The following METTL15 variants were observed in gnomAD, a reference collection of about 807,000 sequenced individuals.
METTL15 encodes methyltransferase 15, mitochondrial 12S rRNA N4-cytidine.
Under a neutral mutation model 38.3 loss-of-function variants are expected in METTL15, and 34 were observed. The observed-to-expected ratio is 0.89, with a 90% CI of 0.68 to 1.18. The LOEUF is 1.18. Ranked by LOEUF, METTL15 falls within the 50% of genes most tolerant of loss-of-function variation. The pLI is 0.00. For synonymous variants in METTL15, 162 were observed against 170.9 expected (o/e 0.95, Z 0.41); for missense variants, 438 against 498.4 (o/e 0.88, Z 1.15).
rs188615983 is a variant in METTL15 at position 28,267,218 on chromosome 11, C to T, written c.408-22988C>T. 2.2e-3 allele frequency among the ~76,000 whole-genome samples: 340 copies of T among 151,564 alleles called. 3 individuals are homozygous for T. The highest frequency in any genetic ancestry group is 3.4e-3 in the Middle Eastern group (1 of 294). On this transcript the variant is annotated intron_variant, in intron 4 of 6. Transcript: ENST00000407364. ...ATGTACAGTGGCTTCTAGGGCCCTC[C>T]AGTGTCTAGTCTCTTCCTACTTCTT...
At chr11:28,523,121 G>A (rs544030654) in intron 6 of METTL15, among the ~76,000 whole-genome samples, 6 of 152,138 alleles carry the variant, frequency 3.9e-5, no homozygotes, top group Non-Finnish European at 8.8e-5. Context: ...CTAATAAGTG[G>A]CATTAAAAAA....
rs775684650 is a variant in METTL15 at position 28,113,441 on chromosome 11, C to T, written c.107C>T (p.Thr36Ile). 8.1e-6 allele frequency: 13 copies of T among 1,610,226 alleles called. No individual in the cohort carries two copies. The highest frequency in any genetic ancestry group is 3.3e-5 in the Admixed American group (2 of 59,920). The change falls in exon 3 of 7, where the codon ACA becomes ATA. Residue 36 changes from threonine (T) to isoleucine (I), a missense_variant. Physicochemically the swap from Thr to Ile is moderately conservative, Grantham distance 89. Coordinates refer to ENST00000407364, the MANE Select transcript of METTL15 (RefSeq NM_001113528.2). The part of the protein sequence containing the change: ...LGVWPNRIHT[T>I]AEKYREYEAR... ...GTCTGGCCAAACAGAATACATACTACAGCAGAAAAATATAGAGAATATGAA... is the reference window on the plus strand; with the variant it reads ...GTCTGGCCAAACAGAATACATACTATAGCAGAAAAATATAGAGAATATGAA...
chr11:28,413,431 C>T (rs570387995), intron 5 of METTL15, among the ~76,000 whole-genome samples: 37 of 152,042 alleles, frequency 2.4e-4, no homozygotes, highest in South Asian at 6.2e-4. Flanking sequence ...TCGTTTCCTG[C>T]GAGATATAAT....
intron 5 of METTL15, among the ~76,000 whole-genome samples, chr11:28,403,164 A>G (rs1191494728): frequency 1.3e-5 from 2 of 151,944 alleles, no homozygotes; most frequent in South Asian, 2.1e-4. Context: ...ATACCAAGCA[A>G]TTCTCCAGTG....
At chr11:28,207,375 T>C (rs1852395844) in intron 3 of METTL15, among the ~76,000 whole-genome samples, 1 of 152,128 alleles carries the variant, frequency 6.6e-6, no homozygotes, top group Admixed American at 6.6e-5. Flanking sequence ...ATCATGTGGT[T>C]TTTGTCTTTG....
chr11:28,498,240 G>A (rs1425437201), intron 6 of METTL15, among the ~76,000 whole-genome samples: 1 of 152,004 alleles, frequency 6.6e-6, no homozygotes, highest in Non-Finnish European at 1.5e-5. Flanking sequence ...CTCACTGCAA[G>A]CTCTGCCTCC....
intron 6 of METTL15, among the ~76,000 whole-genome samples, chr11:28,309,087 C>G (rs1247246784): frequency 1.3e-5 from 2 of 152,140 alleles, no homozygotes; most frequent in East Asian, 3.9e-4. Flanking sequence ...GTGGCCTGCT[C>G]TGTATGTCTG....
intron 3 of METTL15, chr11:28,197,332 T>C (rs1340224570): frequency 4.6e-6 from 1 of 216,156 alleles, no homozygotes; most frequent in Non-Finnish European, 9.9e-6. Flanking sequence ...TAAATTACTT[T>C]AGGATTTAGC....
intron 5 of METTL15, among the ~76,000 whole-genome samples, chr11:28,397,536 G>GAGAT (rs1799069290): frequency 1.3e-5 from 2 of 152,050 alleles, no homozygotes; most frequent in Non-Finnish European, 1.5e-5. Context: ...AAACCACAAT[G>GAGAT]AGATACCATC....
chr11:28,449,254 T>C (rs1851099958), intron 6 of METTL15, among the ~76,000 whole-genome samples: 1 of 152,230 alleles, frequency 6.6e-6, no homozygotes, highest in South Asian at 2.1e-4. Context: ...GTAGAGTAAA[T>C]TTTTAGCTAT....
intron 3 of METTL15, among the ~76,000 whole-genome samples, chr11:28,128,600 A>C (rs1852602559): frequency 6.6e-6 from 1 of 152,088 alleles, no homozygotes; most frequent in Non-Finnish European, 1.5e-5. Flanking sequence ...TTTTATATGA[A>C]TCTTTCGCTG....
At chr11:28,125,890 G>T (rs1852460805) in intron 3 of METTL15, 1 of 151,884 alleles carries the variant, frequency 6.6e-6, no homozygotes. Flanking sequence ...AATATTTTTT[G>T]TTTCCGTATT....
intron 3 of METTL15, among the ~76,000 whole-genome samples, chr11:28,174,576 A>G (rs1850981284): frequency 1.3e-5 from 2 of 151,988 alleles, no homozygotes; most frequent in African/African-American, 4.8e-5. Context: ...GCACTTTGGG[A>G]GGCTGAGGCG....
intron 3 of METTL15, chr11:28,163,255 T>G (rs1850535771): frequency 5.0e-6 from 2 of 396,140 alleles, no homozygotes; most frequent in Non-Finnish European, 8.9e-6. Context: ...GATGATTAAT[T>G]TGTTGATTTG....
intron 4 of METTL15, among the ~76,000 whole-genome samples, chr11:28,268,971 C>T (rs1256266767): frequency 6.6e-6 from 1 of 152,042 alleles, no homozygotes; most frequent in African/African-American, 2.4e-5. Context: ...CATCTTAAAC[C>T]ACCAGGTACT....
At chr11:28,242,843 C>G (rs151084479) in intron 4 of METTL15, among the ~76,000 whole-genome samples, 6 of 152,204 alleles carry the variant, frequency 3.9e-5, no homozygotes, top group African/African-American at 1.4e-4. Context: ...ATCTAGCCAG[C>G]CTTCTTCAAG....
intron 6 of METTL15, among the ~76,000 whole-genome samples, chr11:28,494,717 T>C (rs1851522416): frequency 6.6e-6 from 1 of 152,160 alleles, no homozygotes; most frequent in Admixed American, 6.5e-5. Context: ...AATGAGTATG[T>C]CTCATGAGAT....
intron 4 of METTL15, among the ~76,000 whole-genome samples, chr11:28,218,055 C>T (rs898937177): frequency 6.6e-6 from 1 of 152,050 alleles, no homozygotes; most frequent in South Asian, 2.1e-4. Context: ...TTTTTTGGTT[C>T]CATATGAACT....
chr11:28,170,000 G>T (rs562824483), intron 3 of METTL15, among the ~76,000 whole-genome samples: 11 of 152,074 alleles, frequency 7.2e-5, no homozygotes, highest in African/African-American at 1.9e-4. Flanking sequence ...GCTCTGGTGT[G>T]GGGGGTAGGA....
Sources: gnomAD v4.1 joint callset for allele counts (sites outside exome capture counted in the v4.1 genomes callset) on GRCh38, gnomAD v4.1.1 for gene constraint, MANE v1.5 for transcripts, NCBI Gene and HGNC (gene_info 2026-07-23, HGNC 2026-07-21) for gene names.